The following NTRK1 variants were observed in gnomAD, a reference collection of about 807,000 sequenced individuals.
NTRK1 encodes high affinity nerve growth factor receptor.
A neutral mutation model predicts 86.8 loss-of-function variants in NTRK1; 62 were observed. That is an observed-to-expected ratio of 0.71 (90% CI 0.58 to 0.88). NTRK1 has a LOEUF of 0.88. Among genes scored for constraint, NTRK1 ranks in the 40% least tolerant of loss-of-function variants. The pLI, the probability that NTRK1 is intolerant of heterozygous loss-of-function variation, is 0.00. For synonymous variants in NTRK1, 469 were observed against 456.6 expected (o/e 1.03, Z -0.35); for missense variants, 967 against 1,078.4 (o/e 0.90, Z 1.45).
chr1:156,843,285 T>C, intron 2 of NTRK1: 2 of 1,581,726 alleles, frequency 1.3e-6, no homozygotes, highest in Non-Finnish European at 1.7e-6. Context: ...CTGCCACACC[T>C]CACCCCCCAA....
chr1:156,873,015 A>AAG (rs1485808184), intron 7 of NTRK1, among the ~76,000 whole-genome samples: 6 of 77,360 alleles, frequency 7.8e-5, no homozygotes, highest in South Asian at 5.0e-4. Context: ...TTTTTTCAAA[A>AAG]AGAGTGTGTG....
chr1:156,854,183 CG>C lies in NTRK1; in HGVS notation c.51-10169del. ...GGTGAGGCGAGGGAAGCTGAGGCCG[CG>C]GAAGTCCTCCCCGGTGGCTGTGAAC... is the stretch of plus-strand genomic sequence containing the variant. On this transcript the variant is annotated intron_variant, in intron 2 of 16. Transcript: ENST00000392302. The surrounding 1 kb of genome is among the most constrained non-coding windows in gnomAD (Gnocchi z 4.2). The C allele has an allele frequency of 6.2e-7, 1 of 1,614,102 alleles. No homozygotes were observed.
intron 2 of NTRK1, chr1:156,845,321 G>A (rs1558085985): frequency 6.2e-7 from 1 of 1,610,560 alleles, no homozygotes; most frequent in Non-Finnish European, 8.5e-7. Flanking sequence ...TCAGAGCCAA[G>A]GCCCAGCCCC....
rs786205449 is a variant in NTRK1, at chr1:156,879,262, G to A, written c.1946G>A (p.Arg649Gln). Residue 649 changes from arginine (R) to glutamine (Q), a missense_variant, in exon 15 of 17, where the codon CGG (arginine) becomes CAG (glutamine). Physicochemically the swap from Arg to Gln is conservative, Grantham distance 43 (BLOSUM62 1). Transcript: ENST00000524377. ...CTGGCGGGTCTGCATTTTGTGCACC[G>A]GGACCTGGCCACACGCAACTGTCTA... ...VYLAGLHFVH[R>Q]DLATRNCLVG... 1.9e-6 allele frequency: 3 copies of A among 1,613,942 alleles called. No individual in the cohort carries two copies. Among genetic ancestry groups the A allele is most frequent in the South Asian group, 1.1e-5 (1 of 91,082 alleles).
intron 1 of NTRK1, among the ~76,000 whole-genome samples, chr1:156,839,267 G>A (rs72698661): frequency 0.028 from 4,314 of 152,360 alleles, 83 homozygotes; most frequent in Middle Eastern, 0.051. Flanking sequence ...GCTGGCGGGC[G>A]TGAGCAAGGG....
chr1:156,871,561 T>C, intron 6 of NTRK1, 62 bp from the exon 7 acceptor site: 1 of 1,600,012 alleles, frequency 6.2e-7, no homozygotes, highest in Non-Finnish European at 8.6e-7. Context: ...TCCAAAGACT[T>C]CAGCCCCAGC....
Position 156,870,168 on chromosome 1 carries a change from T to C in NTRK1, c.718-1455T>C, listed in dbSNP as rs796882013. Among the ~76,000 whole-genome samples the C allele has an allele frequency of 7.2e-5, 11 of 152,338 alleles. 1 individual carries two copies. Among genetic ancestry groups the C allele is most frequent in the African/African-American group, 2.6e-4 (11 of 41,582 alleles). On this transcript the variant is annotated intron_variant, in intron 6 of 16. Coordinates refer to ENST00000524377, the MANE Select transcript of NTRK1 (RefSeq NM_002529.4). ...GCATGGAGAGACCTTAGATCAACTC[T>C]GTTTGGGGTGATTCCAGGATTTGCT...
At chr1:156,844,238 G>T in intron 2 of NTRK1, 1 of 1,613,918 alleles carries the variant, frequency 6.2e-7, no homozygotes, top group Non-Finnish European at 8.5e-7. Flanking sequence ...CCCCACAGGG[G>T]TGGCAGTGAG....
chr1:156,857,207 G>A (rs1473630314), upstream of NTRK1, among the ~76,000 whole-genome samples: 3 of 143,124 alleles, frequency 2.1e-5, no homozygotes, highest in African/African-American at 8.1e-5. Context: ...GTGTGTGTGT[G>A]TGTGTGTATG....
intron 1 of NTRK1, among the ~76,000 whole-genome samples, chr1:156,863,739 G>A (rs1029352536): frequency 3.3e-5 from 5 of 152,128 alleles, no homozygotes; most frequent in Admixed American, 1.3e-4. Context: ...GGGCGGGCAC[G>A]TTTGGGAACA....
At chr1:156,873,476 C>G (rs1183898303) in intron 7 of NTRK1, among the ~76,000 whole-genome samples, 157 bp from the exon 8 acceptor site, 1 of 152,204 alleles carries the variant, frequency 6.6e-6, no homozygotes, top group Admixed American at 6.5e-5. Flanking sequence ...CAAAACATCT[C>G]TCCTTGGTGA....
In NTRK1 at chr1:156,849,277, G is replaced by A; in HGVS notation, c.50+7084G>A. 3 of 1,613,972 alleles carry A rather than the reference G, an allele frequency of 1.9e-6. No homozygotes were observed. The East Asian group carries it at 6.7e-5, about 36-fold the overall frequency. Reference sequence around the variant, plus strand: ...CGCGGTCTCCGTTGGTGCGGGGGTTGATCTCAGCCTTGTTCTGCCGACCTC... The same window carrying A: ...CGCGGTCTCCGTTGGTGCGGGGGTTAATCTCAGCCTTGTTCTGCCGACCTC... On this transcript the variant is annotated intron_variant, in intron 2 of 16. Coordinates refer to the NTRK1 transcript ENST00000392302.
At chr1:156,875,103 C>T (rs1372643306) in intron 11 of NTRK1, 95 bp downstream of exon 11, 3 of 925,318 alleles carry the variant, frequency 3.2e-6, no homozygotes, top group Non-Finnish European at 5.4e-6. Context: ...GGGCTGTGCA[C>T]ATGGGAGTTC....
chr1:156,833,868 C>T (rs1445813721), intron 1 of NTRK1, among the ~76,000 whole-genome samples: 1 of 152,192 alleles, frequency 6.6e-6, no homozygotes, highest in East Asian at 1.9e-4. Context: ...GCAGCACCAC[C>T]TCCTCCTCTG....
At chr1:156,842,214 T>A in intron 2 of NTRK1, 1 of 1,614,010 alleles carries the variant, frequency 6.2e-7, no homozygotes, top group South Asian at 1.1e-5. Context: ...CCGTCTGCAA[T>A]CTCACCAGCC....
intron 1 of NTRK1, among the ~76,000 whole-genome samples, chr1:156,836,187 C>T (rs572510615): frequency 3.3e-5 from 5 of 152,218 alleles, no homozygotes; most frequent in Admixed American, 2.0e-4. Flanking sequence ...GGATGGGACC[C>T]GTCTCATCTC....
intron 1 of NTRK1, among the ~76,000 whole-genome samples, chr1:156,836,715 T>A (rs558149752): frequency 1.3e-5 from 2 of 151,836 alleles, no homozygotes; most frequent in Admixed American, 1.3e-4. Flanking sequence ...ACCATTCAGA[T>A]GTGCTGCCTT....
At position 156,879,352 on chromosome 1, in the gene NTRK1, A is replaced by T. The variant is rs1648112578; in HGVS notation, c.2036A>T (p.Asp679Val). ...FGMSRDIYSTDYYRVGGRTML... is the reference protein window; with the variant it reads ...FGMSRDIYSTVYYRVGGRTML... ...ATGAGCAGGGATATCTACAGCACCG[A>T]CTATTACCGTGTAAGGGTCCTTTGT... is the stretch of plus-strand genomic sequence containing the variant. Residue 679 changes from aspartate to valine, a missense_variant, in exon 15 of 17, where the codon GAC (aspartate) becomes GTC (valine). By Grantham distance (152) the Asp-to-Val change is radical. Transcript: ENST00000524377. 6.2e-7 allele frequency: 1 copy of T among 1,604,420 alleles called. No homozygotes were observed. Among genetic ancestry groups the T allele is most frequent in the Non-Finnish European group, 8.5e-7 (1 of 1,178,514 alleles).
intron 4 of NTRK1, 81 bp downstream of exon 4, chr1:156,867,059 G>A (rs1229836594): frequency 5.5e-5 from 77 of 1,404,988 alleles, no homozygotes; most frequent in Non-Finnish European, 6.9e-5. Flanking sequence ...ATGACATTGG[G>A]TCACTGTGTC....
Sources: allele counts gnomAD v4.1 joint callset (sites outside exome capture counted in the v4.1 genomes callset), GRCh38; gene constraint gnomAD v4.1.1; non-coding constraint Gnocchi (gnomAD v3.1); transcripts MANE v1.5; gene names NCBI Gene and HGNC (gene_info 2026-07-23, HGNC 2026-07-21).